KCNMB2: variants seen among roughly 807,000 people sequenced by gnomAD.
KCNMB2 encodes the protein potassium calcium-activated channel subfamily M regulatory beta subunit 2, also known as calcium-activated potassium channel subunit beta-2.
A neutral mutation model predicts 24.5 loss-of-function variants in KCNMB2; 9 were observed. The ratio of observed to expected loss-of-function variants is 0.37; its 90% CI spans 0.22 to 0.64. The LOEUF is 0.64. Among genes scored for constraint, KCNMB2 ranks in the 30% least tolerant of loss-of-function variants. KCNMB2 has a pLI of 0.63. For missense variants in KCNMB2, 226 were observed against 284.3 expected (o/e 0.79, Z 1.47); for synonymous variants, 109 against 104.4 (o/e 1.04, Z -0.27).
At chr3:178,759,842 CTATA>C (rs1212388839) in intron 1 of KCNMB2, among the ~76,000 whole-genome samples, 1 of 4,318 alleles carries the variant, frequency 2.3e-4, no homozygotes, top group Non-Finnish European at 3.4e-4. Flanking sequence ...GAGGATATAT[CTATA>C]TATATATATA....
rs1718901865 is a variant in KCNMB2 at position 178,621,005 on chromosome 3, T to C, written c.-68+84294T>C. 2.0e-5 allele frequency among the ~76,000 whole-genome samples: 3 copies of C among 152,190 alleles called. No homozygotes were observed. The South Asian group carries it at 6.2e-4, about 32-fold the overall frequency. ...CTAAAGAGTTTGGAATTTATTTTCATAGGCAATGGCAAACTTTTGAAAGTT... is the reference window on the plus strand; with the variant it reads ...CTAAAGAGTTTGGAATTTATTTTCACAGGCAATGGCAAACTTTTGAAAGTT... On this transcript the variant is annotated intron_variant, in intron 1 of 4. Transcript: ENST00000452583.
intron 1 of KCNMB2, among the ~76,000 whole-genome samples, chr3:178,610,862 G>T (rs1718457504): frequency 6.6e-6 from 1 of 152,144 alleles, no homozygotes; most frequent in Non-Finnish European, 1.5e-5. Flanking sequence ...TACTAGCTGT[G>T]GGTTTGTTGT....
chr3:178,779,323 C>T (rs1712726253), intron 1 of KCNMB2, among the ~76,000 whole-genome samples: 1 of 152,118 alleles, frequency 6.6e-6, no homozygotes, highest in Non-Finnish European at 1.5e-5. Flanking sequence ...TTTATGATCC[C>T]CTCCTTGAAG....
At chr3:178,775,074 C>T (rs2108425336) in intron 1 of KCNMB2, among the ~76,000 whole-genome samples, 1 of 152,270 alleles carries the variant, frequency 6.6e-6, no homozygotes, top group East Asian at 1.9e-4. Context: ...TATCCTAATT[C>T]CAGAAATGCA....
intron 1 of KCNMB2, among the ~76,000 whole-genome samples, chr3:178,764,189 T>C (rs1367393041): frequency 6.6e-6 from 1 of 152,226 alleles, no homozygotes; most frequent in Non-Finnish European, 1.5e-5. Context: ...TTTTGATCTT[T>C]GTGCAAATAC....
intron 1 of KCNMB2, among the ~76,000 whole-genome samples, chr3:178,756,131 C>G (rs1724028457): frequency 6.6e-6 from 1 of 151,736 alleles, no homozygotes; most frequent in South Asian, 2.1e-4. Flanking sequence ...AGAAAAAAAG[C>G]AAATTATAAA....
chr3:178,540,078 A>G (rs188753339), intron 1 of KCNMB2, among the ~76,000 whole-genome samples: 5 of 152,304 alleles, frequency 3.3e-5, no homozygotes, highest in Non-Finnish European at 2.9e-5. Flanking sequence ...GGATATGTTC[A>G]AAATCAAAGT....
At chr3:178,819,802 C>A (rs933579142) in intron 2 of KCNMB2, among the ~76,000 whole-genome samples, 2 of 152,068 alleles carry the variant, frequency 1.3e-5, no homozygotes, top group African/African-American at 4.8e-5. Flanking sequence ...GCCAGTGACT[C>A]TAAAAAGAAT....
chr3:178,581,684 C>T (rs1185055584), intron 1 of KCNMB2, among the ~76,000 whole-genome samples: 8 of 152,020 alleles, frequency 5.3e-5, no homozygotes, highest in South Asian at 2.1e-4. Context: ...AAAAGAACAA[C>T]GCCATCAAAA....
At chr3:178,676,343 G>C (rs1721069975) in intron 1 of KCNMB2, among the ~76,000 whole-genome samples, 1 of 152,214 alleles carries the variant, frequency 6.6e-6, no homozygotes. Flanking sequence ...GGCAGACAGA[G>C]AGGTGAACTG....
intron 2 of KCNMB2, among the ~76,000 whole-genome samples, chr3:178,812,777 C>G (rs901770144): frequency 1.3e-5 from 2 of 152,054 alleles, no homozygotes; most frequent in Non-Finnish European, 2.9e-5. Context: ...GTTTTTGAAT[C>G]TCTATTCTGT....
chr3:178,826,796 G>A (rs4990553), intron 3 of KCNMB2, among the ~76,000 whole-genome samples: 98,269 of 152,138 alleles, frequency 0.65, 33,634 homozygotes, highest in African/African-American at 0.87. Context: ...TTAAGGCATC[G>A]TCTTTCACAT....
chr3:178,703,266 T>C (rs1722165057), intron 1 of KCNMB2, among the ~76,000 whole-genome samples: 3 of 152,042 alleles, frequency 2.0e-5, no homozygotes, highest in Admixed American at 2.0e-4. Context: ...ATTTTGCAAG[T>C]GAGAAAAGGG....
chr3:178,663,162 G>A (rs2108572840), intron 1 of KCNMB2, among the ~76,000 whole-genome samples: 1 of 152,200 alleles, frequency 6.6e-6, no homozygotes, highest in South Asian at 2.1e-4. Flanking sequence ...TGCCAAATGG[G>A]TTCCCAGGAA....
chr3:178,684,760 G>T (rs1721401085), intron 1 of KCNMB2, among the ~76,000 whole-genome samples: 1 of 152,180 alleles, frequency 6.6e-6, no homozygotes, highest in Admixed American at 6.5e-5. Context: ...GAACCTGGGA[G>T]GTGGAGGTTG....
intron 1 of KCNMB2, among the ~76,000 whole-genome samples, chr3:178,585,318 C>T (rs146781888): frequency 1.3e-5 from 2 of 152,250 alleles, no homozygotes; most frequent in African/African-American, 4.8e-5. Flanking sequence ...GTCTGTTTTA[C>T]CCCCACAGGG....
intron 1 of KCNMB2, among the ~76,000 whole-genome samples, chr3:178,769,500 G>C (rs1039219749): frequency 2.0e-5 from 3 of 152,092 alleles, no homozygotes; most frequent in Admixed American, 1.3e-4. Context: ...CTACGGGAGA[G>C]AGGCAAAGAA....
intron 1 of KCNMB2, among the ~76,000 whole-genome samples, chr3:178,688,933 CA>C (rs1721567484): frequency 6.6e-6 from 1 of 151,882 alleles, no homozygotes; most frequent in African/African-American, 2.4e-5. Flanking sequence ...GCAAGTGTTT[CA>C]GTAAGTATTT....
chr3:178,757,253 T>A (rs1227073259), intron 1 of KCNMB2: 1 of 142,574 alleles, frequency 7.0e-6, no homozygotes, highest in African/African-American at 2.6e-5. Context: ...CACACATATA[T>A]ATATACACGT....
Sources: allele counts gnomAD v4.1 joint callset (sites outside exome capture counted in the v4.1 genomes callset), GRCh38; gene constraint gnomAD v4.1.1; transcripts MANE v1.5; gene names NCBI Gene and HGNC (gene_info 2026-07-23, HGNC 2026-07-21).